Variants in BRAT1 observed in about 807,000 individuals in gnomAD.
The protein encoded by BRAT1 is BRCA1 associated ATM activator 1, also known as integrator complex assembly factor BRAT1.
BRAT1 carries 74 observed loss-of-function variants against 70.6 expected under a neutral mutation model. The observed-to-expected ratio is 1.05, with a 90% CI of 0.87 to 1.27. BRAT1 has a LOEUF of 1.27. Among genes scored for constraint, BRAT1 ranks in the 50% most tolerant of loss-of-function variants. BRAT1 has a pLI of 0.00. For synonymous variants in BRAT1, 615 were observed against 517.1 expected (o/e 1.19, Z -2.57); for missense variants, 1,203 against 1,098.2 (o/e 1.10, Z -1.35).
chr7:2,543,068 C>T lies in BRAT1; in HGVS notation c.923+136G>A. ...CTGCCGCGCGCAACCCACGCACCAC[C>T]CAGTCACACCCCGCACGGCCGCCTG... On this transcript the variant is annotated intron_variant, in intron 6 of 13. Transcript: ENST00000340611. The surrounding 1 kb of genome is among the most constrained non-coding windows in gnomAD (Gnocchi z 5.5). 1 of 1,153,932 alleles carries T rather than the reference C, an allele frequency of 8.7e-7. No individual in the cohort carries two copies. The highest frequency in any genetic ancestry group is 1.2e-6 in the Non-Finnish European group (1 of 829,556). 71.5% of individuals were successfully genotyped at this position (1,153,932 alleles called of 1,614,324 possible).
chr7:2,549,404 G>A (rs1779837964), intron 2 of BRAT1, among the ~76,000 whole-genome samples: 1 of 152,132 alleles, frequency 6.6e-6, no homozygotes, highest in Admixed American at 6.6e-5. Context: ...CTGAGCCCAG[G>A]AGGTCAAGGC....
intron 3 of BRAT1, among the ~76,000 whole-genome samples, chr7:2,546,799 A>G (rs1779640467): frequency 6.6e-6 from 1 of 152,186 alleles, no homozygotes; most frequent in South Asian, 2.1e-4. Context: ...AGACATTCTC[A>G]TTAGTCATTC....
At position 2,555,520 on chromosome 7, in the gene BRAT1, C is replaced by A. The variant is rs999506740; in HGVS notation, c.-50G>T. 2.0e-5 allele frequency: 3 copies of A among 152,432 alleles called. No homozygotes were observed. In the East Asian group the frequency reaches 5.8e-4, roughly 29 times the overall value. The allele number at this position is 152,432 out of a possible 1,614,324, so 9.4% of individuals were successfully genotyped here. ...TGCGTCCTCCGCCGCAACCACCCCT[C>A]GCCCAAGGCTCCGCCTCCGGACAGT... On this transcript the variant is annotated 5_prime_UTR_variant, in exon 1 of 14. Transcript: ENST00000340611.
chr7:2,552,707 AG>A (rs1357153030), intron 2 of BRAT1, among the ~76,000 whole-genome samples: 35 of 152,292 alleles, frequency 2.3e-4, no homozygotes, highest in African/African-American at 8.4e-4. Flanking sequence ...TTTACATGCG[AG>A]AATATTTATG....
At chr7:2,539,670 G>A (rs940883846) in intron 11 of BRAT1, 28 bp from the exon 12 acceptor site, 2 of 1,569,732 alleles carry the variant, frequency 1.3e-6, no homozygotes, top group Admixed American at 3.7e-5. Flanking sequence ...AGGTCAGGGT[G>A]ACCTTGGGGC....
chr7:2,541,019 A>G lies in BRAT1; in HGVS notation c.1355T>C (p.Val452Ala). ...GGGGCTCTCGAGGCACTCCAGGAGG[A>G]CAGCAAGCGCCTGCGTCACCAGCTC... ...PQELVTQALA[V>A]LLECLESPGS... The change falls in exon 10 of 14, where the codon GTC (valine) becomes GCC (alanine). Residue 452 changes from valine to alanine, a missense_variant. Coordinates refer to ENST00000340611, the MANE Select transcript of BRAT1 (RefSeq NM_152743.4). 6.4e-7 allele frequency: 1 copy of G among 1,564,646 alleles called. No homozygotes were observed. Among genetic ancestry groups the G allele is most frequent in the Non-Finnish European group, 8.6e-7 (1 of 1,166,052 alleles).
intron 2 of BRAT1, among the ~76,000 whole-genome samples, chr7:2,548,466 G>C (rs1038773478): frequency 6.6e-6 from 1 of 152,080 alleles, no homozygotes; most frequent in African/African-American, 2.4e-5. Flanking sequence ...GGGAGGCCAA[G>C]GCAGGAGAAC....
Position 2,541,770 on chromosome 7 carries a change from C to A in BRAT1, c.1082G>T (p.Cys361Phe). 1 of 1,612,484 alleles carries A rather than the reference C, an allele frequency of 6.2e-7. No homozygotes were observed. Among genetic ancestry groups the A allele is most frequent in the Non-Finnish European group, 8.5e-7 (1 of 1,179,822 alleles). ...VDTLLASKSS[C>F]AGLLCRTLAH... ...CAGGGTGCGGCACAGGAGGCCGGCG[C>A]AGGACGACTTGGAGGCCAGGAGTGT... The change falls in exon 8 of 14, where the codon TGC becomes TTC. Residue 361 changes from cysteine to phenylalanine, a missense_variant. Transcript: ENST00000340611.
At chr7:2,540,705 T>C in intron 10 of BRAT1, 2 of 388,516 alleles carry the variant, frequency 5.1e-6, no homozygotes, top group Non-Finnish European at 9.1e-6. Flanking sequence ...GCCACCTCAT[T>C]TCCCTTGTCC....
intron 8 of BRAT1, 23 bp downstream of exon 8, chr7:2,541,695 C>G: frequency 6.3e-7 from 1 of 1,593,158 alleles, no homozygotes; most frequent in East Asian, 2.3e-5. Flanking sequence ...TGCTGGGCTG[C>G]ATGAGGACCG....
chr7:2,551,212 G>C (rs955707250), intron 2 of BRAT1, among the ~76,000 whole-genome samples: 1 of 148,914 alleles, frequency 6.7e-6, no homozygotes, highest in Non-Finnish European at 1.5e-5. Flanking sequence ...TTGCACCCCA[G>C]CCTGGGCAAC....
At chr7:2,539,397 C>T in intron 12 of BRAT1, 46 bp from the exon 13 acceptor site, 1 of 1,565,448 alleles carries the variant, frequency 6.4e-7, no homozygotes, top group Non-Finnish European at 8.7e-7. Context: ...AGGGCCGAGC[C>T]TTGTCGCCTC....
intron 4 of BRAT1, 61 bp downstream of exon 4, chr7:2,544,848 G>A (rs1779479358): frequency 1.3e-6 from 2 of 1,535,468 alleles, no homozygotes; most frequent in East Asian, 4.9e-5. Context: ...GCAAGGTGCA[G>A]TGAATTCCCT....
chr7:2,552,773 C>G (rs1258013518), intron 2 of BRAT1, among the ~76,000 whole-genome samples: 1 of 151,376 alleles, frequency 6.6e-6, no homozygotes, highest in African/African-American at 2.4e-5. Flanking sequence ...GAATCTCGCT[C>G]TGTCGCCCAG....
intron 6 of BRAT1, chr7:2,542,475 C>G (rs1024289487): frequency 1.9e-5 from 10 of 538,274 alleles, no homozygotes; most frequent in Admixed American, 3.5e-5. Context: ...GCCATGCACC[C>G]AGAGAGAGGG....
chr7:2,539,303 A>G lies in BRAT1; in HGVS notation c.1646T>C (p.Leu549Pro). ...AGGGTCCTGGAGGAGCTGCAGGGCC[A>G]GCTGAGGCACCTCTGAAGCCAAGAG... ...CALLASEVPQ[L>P]ALQLLQDPES... is the part of the protein sequence containing the mutation. The change falls in exon 13 of 14, where the codon CTG (leucine) becomes CCG (proline). Residue 549 changes from leucine (L) to proline (P), a missense_variant. Coordinates refer to ENST00000340611, the MANE Select transcript of BRAT1 (RefSeq NM_152743.4). 2 of 1,612,012 alleles carry G rather than the reference A, an allele frequency of 1.2e-6. No individual in the cohort carries two copies. Among genetic ancestry groups the G allele is most frequent in the Non-Finnish European group, 1.7e-6 (2 of 1,179,806 alleles).
At chr7:2,540,863 TG>T in intron 10 of BRAT1, 115 bp downstream of exon 10, 1 of 1,077,954 alleles carries the variant, frequency 9.3e-7, no homozygotes, top group South Asian at 2.1e-5. Context: ...AGCAGCTCTG[TG>T]GCCCTGTGTG....
chr7:2,545,112 TC>T, intron 3 of BRAT1, 56 bp from the exon 4 acceptor site: 1 of 1,440,494 alleles, frequency 6.9e-7, no homozygotes, highest in Non-Finnish European at 9.2e-7. Flanking sequence ...AAGCCTGTAA[TC>T]CCAGCACTTT....
At chr7:2,553,277 C>T (rs971376900) in intron 2 of BRAT1, among the ~76,000 whole-genome samples, 1 of 152,048 alleles carries the variant, frequency 6.6e-6, no homozygotes, top group African/African-American at 2.4e-5. Flanking sequence ...GTGACCTACC[C>T]GCCTTGGCCT....
Sources: gnomAD v4.1 joint callset for allele counts (sites outside exome capture counted in the v4.1 genomes callset) on GRCh38, gnomAD v4.1.1 for gene constraint, Gnocchi (gnomAD v3.1) non-coding constraint, MANE v1.5 for transcripts, NCBI Gene and HGNC (gene_info 2026-07-23, HGNC 2026-07-21) for gene names.